The following BRINP3 variants were observed in gnomAD, a reference collection of about 807,000 sequenced individuals.
BRINP3 encodes the protein BMP/retinoic acid inducible neural specific 3.
Under a neutral mutation model 71.0 loss-of-function variants are expected in BRINP3, and 19 were observed. The ratio of observed to expected loss-of-function variants is 0.27; its 90% CI spans 0.19 to 0.39. The LOEUF (loss-of-function observed/expected upper bound fraction) is 0.39, where lower values mean the gene tolerates loss of function less well. Ranked by LOEUF, BRINP3 falls within the 10% of genes least tolerant of loss-of-function variation. BRINP3 has a pLI of 1.00. For missense variants in BRINP3, 959 were observed against 940.8 expected, an observed-to-expected ratio of 1.02 and a Z score of -0.25; for synonymous variants, 380 against 337.7, an observed-to-expected ratio of 1.13 and a Z score of -1.37.
chr1:190,236,787 C>A (rs1658562354), intron 4 of BRINP3, among the ~76,000 whole-genome samples: 1 of 151,858 alleles, frequency 6.6e-6, no homozygotes, highest in South Asian at 2.1e-4. Flanking sequence ...ATAAAAGCAT[C>A]AAAGAGAATA....
In BRINP3 at chr1:190,162,493, T is replaced by C. The variant is rs556771167; in HGVS notation, c.962-1603A>G. ...TATATTTTATTTGGTCCCATTTGTGTCTTTTGTTAAATTCCCTCTTTTGAA... is the reference window on the plus strand; with the variant it reads ...TATATTTTATTTGGTCCCATTTGTGCCTTTTGTTAAATTCCCTCTTTTGAA... On this transcript the variant is annotated intron_variant, in intron 6 of 7. Transcript: ENST00000367462. 2.0e-5 allele frequency among the ~76,000 whole-genome samples: 3 copies of C among 152,254 alleles called. No individual in the cohort carries two copies. The East Asian group carries it at 5.8e-4, about 29-fold the overall frequency.
chr1:190,157,332 G>A (rs779504520), intron 7 of BRINP3, among the ~76,000 whole-genome samples: 2 of 151,926 alleles, frequency 1.3e-5, no homozygotes, highest in Non-Finnish European at 2.9e-5. Flanking sequence ...CATATAACTG[G>A]ACCCACGCAG....
At chr1:190,170,832 A>C (rs1187053108) in intron 6 of BRINP3, among the ~76,000 whole-genome samples, 2 of 152,202 alleles carry the variant, frequency 1.3e-5, no homozygotes, top group Non-Finnish European at 2.9e-5. Flanking sequence ...TCATGGCTAC[A>C]TTAGTAAAAT....
intron 1 of BRINP3, among the ~76,000 whole-genome samples, chr1:190,467,373 G>A (rs1367035257): frequency 6.6e-6 from 1 of 151,222 alleles, no homozygotes. Context: ...TTAAAAAAAG[G>A]GTCAAAAACA....
intron 6 of BRINP3, among the ~76,000 whole-genome samples, chr1:190,166,669 T>C (rs1444274037): frequency 6.6e-6 from 1 of 152,132 alleles, no homozygotes; most frequent in South Asian, 2.1e-4. Flanking sequence ...AGTTGGTTAG[T>C]TCCATATGGT....
intron 2 of BRINP3, chr1:190,342,423 C>A (rs1292063349): frequency 6.7e-6 from 1 of 148,310 alleles, no homozygotes; most frequent in Non-Finnish European, 1.5e-5. Context: ...GAATGTTTTT[C>A]CACAGGCCCA....
chr1:190,303,016 A>G (rs1029274665), intron 2 of BRINP3, among the ~76,000 whole-genome samples: 5 of 151,844 alleles, frequency 3.3e-5, no homozygotes, highest in Admixed American at 3.3e-4. Context: ...ACAAGTTGGT[A>G]TATCACCTTC....
At chr1:190,280,159 A>C (rs564658207) in intron 3 of BRINP3, among the ~76,000 whole-genome samples, 17 of 152,030 alleles carry the variant, frequency 1.1e-4, no homozygotes, top group Non-Finnish European at 2.4e-4. Context: ...AATGGGGTTC[A>C]CTGGGCACTA....
At chr1:190,115,905 A>G (rs892931198) in intron 7 of BRINP3, among the ~76,000 whole-genome samples, 20 of 152,148 alleles carry the variant, frequency 1.3e-4, no homozygotes, top group African/African-American at 3.9e-4. Context: ...TTCAAAGTGT[A>G]TATGTTTCTT....
At chr1:190,234,766 G>A (rs1658357557) in intron 4 of BRINP3, among the ~76,000 whole-genome samples, 1 of 151,938 alleles carries the variant, frequency 6.6e-6, no homozygotes, top group South Asian at 2.1e-4. Context: ...TTTCACCCAA[G>A]ATATAAAAAA....
At position 190,378,753 on chromosome 1, in the gene BRINP3, T is replaced by G. The variant is rs118008861; in HGVS notation, c.236+75902A>C. ...AGTGGTCTGGCTAGAACCAGAATAA[T>G]GGTCCCCTCCAATGCAACAGTGAGT... On this transcript the variant is annotated intron_variant, in intron 2 of 7. Transcript: ENST00000367462. Among the ~76,000 whole-genome samples, 184 of 152,250 alleles carry G rather than the reference T, an allele frequency of 1.2e-3. 4 individuals carry two copies. In the East Asian group the frequency reaches 0.03, roughly 25 times the overall value.
intron 2 of BRINP3, among the ~76,000 whole-genome samples, chr1:190,440,035 AT>A: frequency 6.6e-6 from 1 of 152,104 alleles, no homozygotes; most frequent in South Asian, 2.1e-4. Context: ...CAAAAATCAG[AT>A]TTTTAGAAAG....
At chr1:190,156,552 C>A (rs965613855) in intron 7 of BRINP3, among the ~76,000 whole-genome samples, 2 of 150,582 alleles carry the variant, frequency 1.3e-5, no homozygotes, top group Admixed American at 1.3e-4. Flanking sequence ...TCATATTATT[C>A]TTTTAAAATG....
intron 2 of BRINP3, among the ~76,000 whole-genome samples, chr1:190,376,910 A>G (rs1217645822): frequency 6.6e-6 from 1 of 152,012 alleles, no homozygotes; most frequent in Admixed American, 6.6e-5. Flanking sequence ...ATATCCACGC[A>G]TGGTCTAGAG....
chr1:190,277,115 ATATT>A (rs1553276697), intron 3 of BRINP3, among the ~76,000 whole-genome samples: 3 of 129,294 alleles, frequency 2.3e-5, no homozygotes, highest in South Asian at 2.4e-4. Context: ...ATATATATAT[ATATT>A]TATATTCAGA....
chr1:190,158,865 G>A (rs1458437717), intron 7 of BRINP3, among the ~76,000 whole-genome samples: 3 of 150,650 alleles, frequency 2.0e-5, no homozygotes, highest in Admixed American at 1.3e-4. Flanking sequence ...ACCACAGGGA[G>A]GGGGAGAGAG....
intron 2 of BRINP3, among the ~76,000 whole-genome samples, chr1:190,282,406 T>A (rs1039682221): frequency 3.9e-5 from 6 of 151,944 alleles, no homozygotes; most frequent in African/African-American, 1.4e-4. Flanking sequence ...TTAAAGAATG[T>A]ATACATTTAC....
At chr1:190,304,157 T>G (rs562997471) in intron 2 of BRINP3, among the ~76,000 whole-genome samples, 2 of 151,986 alleles carry the variant, frequency 1.3e-5, no homozygotes, top group Admixed American at 1.3e-4. Context: ...TTCCATGCTA[T>G]AAAACCAAGA....
At chr1:190,408,488 T>C (rs1672452860) in intron 2 of BRINP3, among the ~76,000 whole-genome samples, 1 of 152,168 alleles carries the variant, frequency 6.6e-6, no homozygotes, top group African/African-American at 2.4e-5. Context: ...GCCTATAAAA[T>C]AGGAGAATTG....
Sources: allele counts gnomAD v4.1 joint callset (sites outside exome capture counted in the v4.1 genomes callset), GRCh38; gene constraint gnomAD v4.1.1; transcripts MANE v1.5; gene names NCBI Gene and HGNC (gene_info 2026-07-23, HGNC 2026-07-21).